MANBA: variants seen among roughly 807,000 people sequenced by gnomAD.
The protein encoded by MANBA is beta-mannosidase.
In MANBA, 83 loss-of-function variants were observed where a neutral mutation model predicts 111.1. The observed-to-expected ratio is 0.75, with a 90% CI of 0.63 to 0.90. The LOEUF is 0.90. Among genes scored for constraint, MANBA ranks in the 40% least tolerant of loss-of-function variants. The probability of loss-of-function intolerance (pLI) is 0.00; values close to 1 mark genes in which losing one functional copy is unlikely to be tolerated. For synonymous variants in MANBA, 370 were observed against 378.7 expected (o/e 0.98, Z 0.27); for missense variants, 1,036 against 1,069.0 (o/e 0.97, Z 0.43).
intron 7 of MANBA, among the ~76,000 whole-genome samples, chr4:102,684,234 T>A (rs1258310402): frequency 6.6e-6 from 1 of 152,122 alleles, no homozygotes; most frequent in African/African-American, 2.4e-5. Context: ...TATTTTTGCA[T>A]AAAGCAAGCC....
chr4:102,732,981 T>C (rs1398663082), intron 1 of MANBA, among the ~76,000 whole-genome samples: 2 of 152,222 alleles, frequency 1.3e-5, no homozygotes, highest in Non-Finnish European at 2.9e-5. Context: ...GTCCCCTTCC[T>C]TTCTCCCAGC....
At chr4:102,689,791 T>C (rs1291313568) in intron 6 of MANBA, 107 bp from the exon 7 acceptor site, 1 of 716,916 alleles carries the variant, frequency 1.4e-6, no homozygotes, top group African/African-American at 1.8e-5. Context: ...CTCTAGGTTC[T>C]AAAACAATGT....
intron 2 of MANBA, 150 bp from the exon 3 acceptor site, chr4:102,724,117 C>T: frequency 1.6e-6 from 1 of 633,600 alleles, no homozygotes; most frequent in South Asian, 1.9e-5. Context: ...TTCAGAAGTA[C>T]TGCTTTAAAA....
intron 2 of MANBA, among the ~76,000 whole-genome samples, chr4:102,726,126 A>G (rs1215930652): frequency 6.6e-6 from 1 of 151,782 alleles, no homozygotes; most frequent in East Asian, 1.9e-4. Context: ...CATAAAAGGG[A>G]CAGAAGGATT....
Position 102,633,151 on chromosome 4 carries a change from A to G in MANBA, c.2416-870T>C, listed in dbSNP as rs1468164295. 7.6e-6 allele frequency: 3 copies of G among 392,622 alleles called. No individual in the cohort carries two copies. The East Asian group carries it at 1.1e-4, about 14-fold the overall frequency. 24.3% of individuals were successfully genotyped at this position (392,622 alleles called of 1,614,324 possible). A position where few individuals can be genotyped will look rare whatever the true frequency, so the allele number is the denominator to read the frequency against. ...CTGAGTTATACACAAGGAAACCTAT[A>G]TTGATAGAAGCAGAAAAGAAGCTTA... On this transcript the variant is annotated intron_variant, in intron 16 of 16. Coordinates refer to ENST00000647097, the MANE Select transcript of MANBA (RefSeq NM_005908.4).
chr4:102,633,848 G>A (rs1223254905), intron 16 of MANBA, among the ~76,000 whole-genome samples: 1 of 151,858 alleles, frequency 6.6e-6, no homozygotes, highest in East Asian at 1.9e-4. Flanking sequence ...AGTTGTTACA[G>A]ATAACTTGGA....
chr4:102,755,602 A>G (rs2110214067), intron 1 of MANBA, among the ~76,000 whole-genome samples: 1 of 152,312 alleles, frequency 6.6e-6, no homozygotes, highest in Non-Finnish European at 1.5e-5. Flanking sequence ...AATGGCAACA[A>G]AAGCCAAACT....
chr4:102,631,060 T>G lies in MANBA; in HGVS notation c.*997A>C, dbSNP rs1180535455. The G allele has an allele frequency of 6.6e-6, 1 of 151,962 alleles. No individual in the cohort carries two copies. The highest frequency in any genetic ancestry group is 1.5e-5 in the Non-Finnish European group (1 of 68,228). The allele number at this position is 151,962 out of a possible 1,614,324, so 9.4% of individuals were successfully genotyped here. ...TGACATAATATTTACCAAGTAAGAC[T>G]CTACGGAGTCCCAGCCCTAAGTCCC... On this transcript the variant is annotated 3_prime_UTR_variant, in exon 17 of 17. Transcript: ENST00000647097.
At chr4:102,749,250 T>C (rs1723699047) in intron 1 of MANBA, among the ~76,000 whole-genome samples, 1 of 152,226 alleles carries the variant, frequency 6.6e-6, no homozygotes, top group Admixed American at 6.5e-5. Context: ...GAGTTTCATA[T>C]GCCATGAAGA....
chr4:102,648,859 C>G (rs947282446), intron 13 of MANBA, among the ~76,000 whole-genome samples: 2 of 151,764 alleles, frequency 1.3e-5, no homozygotes, highest in African/African-American at 4.8e-5. Context: ...TCTCTTGTAC[C>G]CCTTCCTAAT....
In MANBA at chr4:102,650,552, G is replaced by C. The variant is rs1470102112; in HGVS notation, c.1854C>G (p.Thr618=). ...STDPLRTFKD[T]IYLTQVMQAQ... ...AACAACTTACCTGAGTAAGGTAGAT[G>C]GTATCTTTAAATGTGCGTAATGGAT... The change falls in exon 13 of 17, where the codon ACC becomes ACG. Residue 618 remains threonine (T), a synonymous_variant. Coordinates refer to ENST00000647097, the MANE Select transcript of MANBA (RefSeq NM_005908.4). 6.2e-7 allele frequency: 1 copy of C among 1,612,594 alleles called. No individual in the cohort carries two copies. Among genetic ancestry groups the C allele is most frequent in the East Asian group, 2.2e-5 (1 of 44,864 alleles).
intron 5 of MANBA, among the ~76,000 whole-genome samples, chr4:102,704,073 T>C (rs146506618): frequency 0.027 from 4,096 of 151,384 alleles, 134 homozygotes; most frequent in African/African-American, 0.076. Context: ...CCAGCCTGGG[T>C]AACAGAGCAA....
chr4:102,671,026 G>T (rs1198437200), intron 9 of MANBA: 1 of 296,266 alleles, frequency 3.4e-6, no homozygotes, highest in Non-Finnish European at 6.4e-6. Context: ...ATATCACAAA[G>T]AAAATTATTT....
chr4:102,758,670 G>A lies in MANBA; in HGVS notation c.177+2048C>T, dbSNP rs1214137166. Among the ~76,000 whole-genome samples, 8 of 151,044 alleles carry A rather than the reference G, an allele frequency of 5.3e-5. No individual in the cohort carries two copies. The East Asian group carries it at 5.8e-4, about 11-fold the overall frequency. On this transcript the variant is annotated intron_variant, in intron 1 of 16. Transcript: ENST00000647097. ...CGATCCTCCCACCTCAGCCTCCCTC[G>A]TAGCTAGGACCACAGGTGTACGCCA...
rs111353791 is a variant in MANBA at position 102,634,847 on chromosome 4, T to A, written c.2356A>T (p.Asn786Tyr). 1 of 1,614,154 alleles carries A rather than the reference T, an allele frequency of 6.2e-7. No individual in the cohort carries two copies. Among genetic ancestry groups the A allele is most frequent in the South Asian group, 1.1e-5 (1 of 91,084 alleles). ...TTCGGTGAGGACAAGAAGTGGTAGT[T>A]GGTCGGGCTCAGGAGTTCATGGTCA... ...SADHELLSPT[N>Y]YHFLSSPKEA... Residue 786 changes from asparagine (N) to tyrosine (Y), a missense_variant, in exon 16 of 17, where the codon AAC (asparagine) becomes TAC (tyrosine). Asn to Tyr is a moderately radical substitution (Grantham distance 143). Coordinates refer to ENST00000647097, the MANE Select transcript of MANBA (RefSeq NM_005908.4).
At chr4:102,745,024 T>C (rs1723539634) in intron 1 of MANBA, among the ~76,000 whole-genome samples, 1 of 152,108 alleles carries the variant, frequency 6.6e-6, no homozygotes, top group Non-Finnish European at 1.5e-5. Flanking sequence ...TCCCTGGATT[T>C]CCTTCCAAGG....
intron 1 of MANBA, among the ~76,000 whole-genome samples, chr4:102,755,413 G>A (rs968499244): frequency 6.6e-6 from 1 of 152,210 alleles, no homozygotes; most frequent in Non-Finnish European, 1.5e-5. Flanking sequence ...AAACTGGCTA[G>A]CCAAATGTAG....
chr4:102,671,173 A>G, intron 9 of MANBA, 108 bp downstream of exon 9: 1 of 797,710 alleles, frequency 1.3e-6, no homozygotes, highest in Non-Finnish European at 2.3e-6. Flanking sequence ...CCCAAATGGA[A>G]TATCATTCCT....
intron 5 of MANBA, among the ~76,000 whole-genome samples, chr4:102,709,282 G>GA (rs1721914211): frequency 3.1e-5 from 1 of 32,008 alleles, no homozygotes; most frequent in South Asian, 9.5e-4. Flanking sequence ...AGAAAAGAAA[G>GA]AAAGGAAGGA....
Sources: allele counts gnomAD v4.1 joint callset (sites outside exome capture counted in the v4.1 genomes callset), GRCh38; gene constraint gnomAD v4.1.1; transcripts MANE v1.5; gene names NCBI Gene and HGNC (gene_info 2026-07-23, HGNC 2026-07-21).